SCHIP1: variants seen among roughly 807,000 people sequenced by gnomAD.
The protein encoded by SCHIP1 is schwannomin interacting protein 1.
A neutral mutation model predicts 29.7 loss-of-function variants in SCHIP1; 8 were observed. The ratio of observed to expected loss-of-function variants is 0.27; its 90% CI spans 0.16 to 0.49. The LOEUF (loss-of-function observed/expected upper bound fraction) is 0.49, where lower values mean the gene tolerates loss of function less well. Ranked by LOEUF, SCHIP1 falls within the 20% of genes least tolerant of loss-of-function variation. The pLI is 0.99. For missense variants in SCHIP1, 193 were observed against 294.6 expected (o/e 0.66, Z 2.52); for synonymous variants, 76 against 94.9 (o/e 0.80, Z 1.16).
At chr3:159,837,722 GA>G (rs1210455659), upstream of SCHIP1, among the ~76,000 whole-genome samples, 205 of 138,342 alleles carry the variant, frequency 1.5e-3, no homozygotes, top group Non-Finnish European at 1.4e-3. Flanking sequence ...TCCCCCGCCC[GA>G]AAAAAAAAAA....
the SCHIP1 span, among the ~76,000 whole-genome samples, chr3:159,584,224 CCTT>C: frequency 6.6e-6 from 1 of 152,168 alleles, no homozygotes; most frequent in Non-Finnish European, 1.5e-5. Context: ...TTTGTTGGCT[CCTT>C]CTTAATTTAT....
chr3:159,586,297 T>C, the SCHIP1 span, among the ~76,000 whole-genome samples: 1 of 152,134 alleles, frequency 6.6e-6, no homozygotes, highest in African/African-American at 2.4e-5. Context: ...CTGGGCTATG[T>C]CCCCTTCCTC....
chr3:159,348,130 A>C, the SCHIP1 span, among the ~76,000 whole-genome samples: 2 of 152,154 alleles, frequency 1.3e-5, no homozygotes, highest in African/African-American at 4.8e-5. Flanking sequence ...TTTAGACTCA[A>C]TGTTCTTTAA....
chr3:159,844,327 T>G (rs73168577), intron 1 of SCHIP1, among the ~76,000 whole-genome samples: 23,585 of 152,248 alleles, frequency 0.15, 1,932 homozygotes, highest in East Asian at 0.22. Flanking sequence ...AGGGCTTGTA[T>G]GCACTGTTCT....
At chr3:159,831,147 C>A in the SCHIP1 span, among the ~76,000 whole-genome samples, 2 of 152,158 alleles carry the variant, frequency 1.3e-5, no homozygotes, top group African/African-American at 2.4e-5. Context: ...ATTTCTTGGG[C>A]AGAGGACACA....
chr3:159,485,858 A>G, the SCHIP1 span, among the ~76,000 whole-genome samples: 1 of 152,212 alleles, frequency 6.6e-6, no homozygotes, highest in African/African-American at 2.4e-5. Flanking sequence ...TATTAGCTAC[A>G]AACCTCATCA....
At chr3:159,500,318 T>G in the SCHIP1 span, among the ~76,000 whole-genome samples, 1 of 152,184 alleles carries the variant, frequency 6.6e-6, no homozygotes, top group South Asian at 2.1e-4. Flanking sequence ...TGTGCCCTCT[T>G]AAGATTTATA....
chr3:159,877,149 G>A (rs1577476517), intron 2 of SCHIP1, among the ~76,000 whole-genome samples: 1 of 152,270 alleles, frequency 6.6e-6, no homozygotes, highest in East Asian at 1.9e-4. Flanking sequence ...AGGAGTTCAA[G>A]ATCAGCACAG....
At chr3:159,889,825 G>A (rs1248238425) in intron 5 of SCHIP1, among the ~76,000 whole-genome samples, 4 of 152,148 alleles carry the variant, frequency 2.6e-5, no homozygotes, top group African/African-American at 4.8e-5. Context: ...GGCCGGGCGC[G>A]GTGGCTCATG....
chr3:159,384,041 A>G, the SCHIP1 span, among the ~76,000 whole-genome samples: 4 of 151,758 alleles, frequency 2.6e-5, no homozygotes, highest in Admixed American at 1.3e-4. Flanking sequence ...ATATACAATC[A>G]TGTCATCTGC....
At chr3:159,312,774 C>T in the SCHIP1 span, among the ~76,000 whole-genome samples, 1 of 152,148 alleles carries the variant, frequency 6.6e-6, no homozygotes, top group African/African-American at 2.4e-5. Context: ...TTCTTACCAC[C>T]TGCTGACCTA....
At chr3:159,374,573 C>T in the SCHIP1 span, among the ~76,000 whole-genome samples, 1 of 152,012 alleles carries the variant, frequency 6.6e-6, no homozygotes, top group African/African-American at 2.4e-5. Context: ...TGAGACATGA[C>T]AAAATCAATT....
chr3:159,292,082 A>G, the SCHIP1 span, among the ~76,000 whole-genome samples: 87 of 152,256 alleles, frequency 5.7e-4, 1 homozygote, highest in South Asian at 0.011. Context: ...AACATAGGCC[A>G]TAATTATTGA....
At chr3:159,671,278 T>C in the SCHIP1 span, among the ~76,000 whole-genome samples, 1 of 152,234 alleles carries the variant, frequency 6.6e-6, no homozygotes, top group African/African-American at 2.4e-5. Context: ...GGCAAGTCCC[T>C]TGTGAGCACA....
the SCHIP1 span, among the ~76,000 whole-genome samples, chr3:159,803,883 G>T: frequency 5.3e-5 from 8 of 150,846 alleles, no homozygotes; most frequent in African/African-American, 2.0e-4. Flanking sequence ...CAGCCTGAAT[G>T]GTAGGCTTTA....
At chr3:159,448,624 C>T in the SCHIP1 span, among the ~76,000 whole-genome samples, 1 of 152,008 alleles carries the variant, frequency 6.6e-6, no homozygotes, top group East Asian at 1.9e-4. Flanking sequence ...GTCCAGGAAA[C>T]CAAGAGAACT....
the SCHIP1 span, among the ~76,000 whole-genome samples, chr3:159,501,417 A>C: frequency 6.6e-6 from 1 of 152,202 alleles, no homozygotes; most frequent in African/African-American, 2.4e-5. Flanking sequence ...CCAAAAGCAA[A>C]TTTACATTTT....
the SCHIP1 span, among the ~76,000 whole-genome samples, chr3:159,476,624 C>A: frequency 6.6e-6 from 1 of 152,124 alleles, no homozygotes; most frequent in Non-Finnish European, 1.5e-5. Flanking sequence ...AATGGAAATA[C>A]AAATTATGGT....
the SCHIP1 span, among the ~76,000 whole-genome samples, chr3:159,581,548 A>G: frequency 2.6e-5 from 4 of 152,000 alleles, no homozygotes; most frequent in Non-Finnish European, 5.9e-5. Context: ...AGTAATTCTC[A>G]CCCTCGCTAA....
Sources: gnomAD v4.1 joint callset for allele counts (sites outside exome capture counted in the v4.1 genomes callset) on GRCh38, gnomAD v4.1.1 for gene constraint, MANE v1.5 for transcripts, NCBI Gene and HGNC (gene_info 2026-07-23, HGNC 2026-07-21) for gene names.